Variants in GDPD4 observed in about 807,000 individuals in gnomAD.
GDPD4 encodes the protein glycerophosphodiester phosphodiesterase domain containing 4.
GDPD4 carries 60 observed loss-of-function variants against 67.8 expected under a neutral mutation model. The ratio of observed to expected loss-of-function variants is 0.88; its 90% CI spans 0.72 to 1.10. The LOEUF (loss-of-function observed/expected upper bound fraction) is 1.10, where lower values mean the gene tolerates loss of function less well. Ranked by LOEUF, GDPD4 falls within the 50% of genes least tolerant of loss-of-function variation. The probability of loss-of-function intolerance (pLI) is 0.00; values close to 1 mark genes in which losing one functional copy is unlikely to be tolerated. For missense variants in GDPD4, 623 were observed against 613.9 expected (o/e 1.01, Z -0.16); for synonymous variants, 212 against 210.9 (o/e 1.00, Z -0.04).
intron 11 of GDPD4, among the ~76,000 whole-genome samples, chr11:77,248,936 A>G (rs1958834556): frequency 7.0e-6 from 1 of 143,534 alleles, no homozygotes; most frequent in African/African-American, 2.6e-5. Flanking sequence ...CATGTTAGCT[A>G]GGCTGGTCTC....
At chr11:77,280,215 TCAA>T (rs1390418185) in intron 3 of GDPD4, among the ~76,000 whole-genome samples, 2 of 151,784 alleles carry the variant, frequency 1.3e-5, no homozygotes, top group East Asian at 3.9e-4. Context: ...GTAAGGGATG[TCAA>T]CAAATGAACC....
intron 13 of GDPD4, among the ~76,000 whole-genome samples, chr11:77,238,880 G>A (rs1219313997): frequency 1.3e-5 from 2 of 151,908 alleles, no homozygotes; most frequent in Non-Finnish European, 1.5e-5. Flanking sequence ...AGCAAGATAC[G>A]GACACTACAA....
chr11:77,295,851 T>C (rs907376918), intron 1 of GDPD4, among the ~76,000 whole-genome samples: 4 of 152,196 alleles, frequency 2.6e-5, no homozygotes, highest in African/African-American at 9.7e-5. Flanking sequence ...GGAGAAAAAC[T>C]GTCCTATATT....
At chr11:77,248,497 G>A (rs1958824423) in intron 11 of GDPD4, among the ~76,000 whole-genome samples, 1 of 151,986 alleles carries the variant, frequency 6.6e-6, no homozygotes, top group South Asian at 2.1e-4. Context: ...ACCATGCCCG[G>A]CCAACAATAC....
intron 11 of GDPD4, among the ~76,000 whole-genome samples, chr11:77,250,925 T>C (rs898152878): frequency 1.1e-4 from 17 of 152,228 alleles, no homozygotes; most frequent in Admixed American, 1.3e-4. Flanking sequence ...TGTCTTTCTA[T>C]GGTTTTGGAA....
rs67911054 is a variant in GDPD4, at chr11:77,262,854, C to CAAAAAAAAAAAAAAAAAAAAAAAAA, written c.708-4313_708-4312insTTTTTTTTTTTTTTTTTTTTTTTTT. Among the ~76,000 whole-genome samples, 2 of 67,004 alleles carry CAAAAAAAAAAAAAAAAAAAAAAAAA rather than the reference C, an allele frequency of 3.0e-5. 1 individual carries two copies. The highest frequency in any genetic ancestry group is 1.3e-4 in the African/African-American group (2 of 14,880). The allele number at this position is 67,004 out of a possible 152,430, so 44.0% of individuals were successfully genotyped here. On this transcript the variant is annotated intron_variant, in intron 10 of 16. Coordinates refer to ENST00000315938, the MANE Select transcript of GDPD4 (RefSeq NM_182833.3). ...TCTATCACTAAATCTTTCTCTGCTG[C>CAAAAAAAAAAAAAAAAAAAAAAAAA]AAAAAAAAAAAAAAAAAAAAAAAGG...
At chr11:77,255,078 G>A (rs2135855416) in intron 11 of GDPD4, among the ~76,000 whole-genome samples, 1 of 152,262 alleles carries the variant, frequency 6.6e-6, no homozygotes, top group East Asian at 1.9e-4. Context: ...GTTTCAGGAT[G>A]CTCTTCAGTA....
chr11:77,267,560 T>A (rs1373893851), intron 10 of GDPD4, among the ~76,000 whole-genome samples: 2 of 152,210 alleles, frequency 1.3e-5, no homozygotes, highest in African/African-American at 4.8e-5. Context: ...CAGTTGAACA[T>A]CTTCTCATGT....
At chr11:77,277,027 G>T (rs1293401834) in intron 4 of GDPD4, among the ~76,000 whole-genome samples, 1 of 151,912 alleles carries the variant, frequency 6.6e-6, no homozygotes, top group East Asian at 1.9e-4. Flanking sequence ...TTTCACTATT[G>T]TTGCCATTGC....
In GDPD4 at chr11:77,216,805, A is replaced by G; in HGVS notation, c.*472T>C. On this transcript the variant is annotated 3_prime_UTR_variant, in exon 17 of 17. Transcript: ENST00000315938. ...ACCATCACCACCCTTAGGCAGAGAG[A>G]GGAAGAAGCAGGGGAGATGTGGCTA... 1.6e-6 allele frequency: 1 copy of G among 610,154 alleles called. No individual in the cohort carries two copies. Among genetic ancestry groups the G allele is most frequent in the Non-Finnish European group, 2.9e-6 (1 of 343,630 alleles). The allele number at this position is 610,154 out of a possible 1,614,324, so 37.8% of individuals were successfully genotyped here.
In GDPD4 at chr11:77,243,808, G is replaced by A. The variant is rs1217596984; in HGVS notation, c.1127C>T (p.Ser376Phe). The A allele has an allele frequency of 1.2e-6, 2 of 1,613,806 alleles. No homozygotes were observed. Among genetic ancestry groups the A allele is most frequent in the South Asian group, 1.1e-5 (1 of 91,052 alleles). Reference protein sequence around the residue: ...LPAHDRQYVRSVAPGFQHVGR... With the variant: ...LPAHDRQYVRFVAPGFQHVGR... ...CACATGCTGAAAACCAGGAGCCACG[G>A]ACCTGACGTATTGCCTATCATGAGC... Residue 376 changes from serine to phenylalanine, a missense_variant, in exon 13 of 17, where the codon TCC (serine) becomes TTC (phenylalanine). By Grantham distance (155) the Ser-to-Phe change is radical. Transcript: ENST00000315938.
chr11:77,220,893 G>T (rs1958211865), intron 16 of GDPD4, among the ~76,000 whole-genome samples: 1 of 152,100 alleles, frequency 6.6e-6, no homozygotes, highest in Non-Finnish European at 1.5e-5. Context: ...CCCTGTTATT[G>T]GTCTATTCAG....
chr11:77,218,029 T>G (rs1958156775), intron 16 of GDPD4, among the ~76,000 whole-genome samples: 1 of 151,972 alleles, frequency 6.6e-6, no homozygotes, highest in African/African-American at 2.4e-5. Context: ...GTTATAAATA[T>G]TCAAAGCTTT....
At chr11:77,222,768 A>G (rs1958252823) in intron 16 of GDPD4, among the ~76,000 whole-genome samples, 1 of 152,178 alleles carries the variant, frequency 6.6e-6, no homozygotes, top group South Asian at 2.1e-4. Context: ...CTGAATTTGA[A>G]TGTTGGCCTG....
At chr11:77,292,788 C>G (rs1222412202) in intron 1 of GDPD4, among the ~76,000 whole-genome samples, 2 of 152,004 alleles carry the variant, frequency 1.3e-5, no homozygotes, top group African/African-American at 4.8e-5. Flanking sequence ...CTAGAGACAT[C>G]AAAAGAGTAG....
intron 4 of GDPD4, among the ~76,000 whole-genome samples, chr11:77,277,845 T>G (rs199553020): frequency 6.9e-6 from 1 of 145,682 alleles, no homozygotes; most frequent in African/African-American, 2.5e-5. Context: ...CAATTTTAGA[T>G]CTTTCCTGCT....
At chr11:77,238,448 G>A (rs1331838849) in intron 13 of GDPD4, among the ~76,000 whole-genome samples, 1 of 152,002 alleles carries the variant, frequency 6.6e-6, no homozygotes, top group Non-Finnish European at 1.5e-5. Context: ...GCTAGGTGTG[G>A]TGGTGTGAGC....
At chr11:77,222,641 T>TTTCTCTCTGGCTGCCC (rs1178657589) in intron 16 of GDPD4, among the ~76,000 whole-genome samples, 1 of 152,230 alleles carries the variant, frequency 6.6e-6, no homozygotes, top group African/African-American at 2.4e-5. Context: ...TAACCCGACC[T>TTTCTCTCTGGCTGCCC]TTCTCTCTGG....
chr11:77,252,059 T>TTGTTG (rs796372027), intron 11 of GDPD4, among the ~76,000 whole-genome samples: 3 of 91,376 alleles, frequency 3.3e-5, no homozygotes, highest in African/African-American at 1.0e-4. Flanking sequence ...TGTTTGTTTT[T>TTGTTG]TTTTTGTTTT....
Sources: gnomAD v4.1 joint callset for allele counts (sites outside exome capture counted in the v4.1 genomes callset) on GRCh38, gnomAD v4.1.1 for gene constraint, MANE v1.5 for transcripts, NCBI Gene and HGNC (gene_info 2026-07-23, HGNC 2026-07-21) for gene names.